The following TBC1D22A variants were observed in gnomAD, a reference collection of about 807,000 sequenced individuals.
TBC1D22A encodes putative GTPase activator.
TBC1D22A carries 38 observed loss-of-function variants against 60.2 expected under a neutral mutation model. The observed-to-expected ratio is 0.63, with a 90% CI of 0.49 to 0.83. TBC1D22A has a LOEUF of 0.83. Ranked by LOEUF, TBC1D22A falls within the 40% of genes least tolerant of loss-of-function variation. The pLI, the probability that TBC1D22A is intolerant of heterozygous loss-of-function variation, is 0.00. For missense variants in TBC1D22A, 628 were observed against 701.0 expected, an observed-to-expected ratio of 0.90 and a Z score of 1.18; for synonymous variants, 302 against 281.7, an observed-to-expected ratio of 1.07 and a Z score of -0.72.
At chr22:47,077,040 G>T (rs140582884) in intron 11 of TBC1D22A, among the ~76,000 whole-genome samples, 1 of 152,170 alleles carries the variant, frequency 6.6e-6, no homozygotes, top group Non-Finnish European at 1.5e-5. Context: ...TTCTGCCTGC[G>T]TATTATTGGC....
At chr22:46,989,336 A>C (rs1360383598) in intron 9 of TBC1D22A, among the ~76,000 whole-genome samples, 1 of 151,720 alleles carries the variant, frequency 6.6e-6, no homozygotes, top group Non-Finnish European at 1.5e-5. Context: ...TTGCATTCAC[A>C]ACCTGGCTGT....
intron 4 of TBC1D22A, among the ~76,000 whole-genome samples, chr22:46,868,458 T>C (rs551637001): frequency 9.2e-5 from 14 of 152,304 alleles, no homozygotes; most frequent in African/African-American, 3.1e-4. Flanking sequence ...TATATGCAAA[T>C]ATTCTAAAAT....
At chr22:46,950,111 T>C (rs1204740476) in intron 8 of TBC1D22A, among the ~76,000 whole-genome samples, 1 of 152,220 alleles carries the variant, frequency 6.6e-6, no homozygotes, top group Non-Finnish European at 1.5e-5. Context: ...GTCATTGTGC[T>C]AAGCCAAGTT....
intron 11 of TBC1D22A, among the ~76,000 whole-genome samples, chr22:47,087,841 T>C (rs952964110): frequency 6.6e-6 from 1 of 152,218 alleles, no homozygotes; most frequent in Admixed American, 6.5e-5. Context: ...TTTAGAAGGC[T>C]GAGGCGGGCG....
intron 6 of TBC1D22A, among the ~76,000 whole-genome samples, chr22:46,892,526 G>A (rs2068458285): frequency 6.6e-6 from 1 of 152,090 alleles, no homozygotes; most frequent in African/African-American, 2.4e-5. Flanking sequence ...AGGGCCCCTG[G>A]ACCGCACTGG....
rs145029708 is a variant in TBC1D22A at position 47,046,079 on chromosome 22, C to T, written c.1329+8881C>T. ...AGGTCCAGGGTCCCTCATATGGACTCGCTGATGCTCCCTGGGCCTCTGGGT... is the reference window on the plus strand; with the variant it reads ...AGGTCCAGGGTCCCTCATATGGACTTGCTGATGCTCCCTGGGCCTCTGGGT... On this transcript the variant is annotated intron_variant, in intron 11 of 12. Transcript: ENST00000337137. 5.1e-3 allele frequency among the ~76,000 whole-genome samples: 775 copies of T among 152,252 alleles called. 6 individuals are homozygous for T. The highest frequency in any genetic ancestry group is 0.018 in the African/African-American group (729 of 41,520).
At position 47,173,862 on chromosome 22, in the gene TBC1D22A, C is replaced by T. The variant is rs370015126; in HGVS notation, c.*236C>T. On this transcript the variant is annotated 3_prime_UTR_variant, in exon 13 of 13. Transcript: ENST00000337137. ...AGCCAGGGGAGGGCCCCGGGTTCGG[C>T]GGCCAGAGGCAGGTCAGGGGTCCCC... 60 of 546,928 alleles carry T rather than the reference C, an allele frequency of 1.1e-4. No homozygotes were observed. The highest frequency in any genetic ancestry group is 7.8e-4 in the East Asian group (19 of 24,470). The allele number at this position is 546,928 out of a possible 1,614,324, so 33.9% of individuals were successfully genotyped here.
intron 12 of TBC1D22A, among the ~76,000 whole-genome samples, chr22:47,160,167 G>A (rs547762292): frequency 6.6e-6 from 1 of 152,368 alleles, no homozygotes; most frequent in African/African-American, 2.4e-5. Flanking sequence ...AGCCTGGGTT[G>A]TGCTTCCCGT....
rs367849372 is a variant in TBC1D22A at position 46,894,730 on chromosome 22, G to A, written c.838-54G>A. ...TATTGCTGTTTTAATCATATCGCTCGTAATGATGTTTGTTGTGACGTAACA... is the reference window on the plus strand; with the variant it reads ...TATTGCTGTTTTAATCATATCGCTCATAATGATGTTTGTTGTGACGTAACA... On this transcript the variant is annotated intron_variant, in intron 6 of 12. Coordinates refer to ENST00000337137, the MANE Select transcript of TBC1D22A (RefSeq NM_014346.5). 1.7e-5 allele frequency: 28 copies of A among 1,601,046 alleles called. No homozygotes were observed. The African/African-American group carries it at 2.0e-4, about 11-fold the overall frequency.
At chr22:46,929,081 T>A (rs1196731341) in intron 8 of TBC1D22A, among the ~76,000 whole-genome samples, 1 of 152,182 alleles carries the variant, frequency 6.6e-6, no homozygotes, top group Non-Finnish European at 1.5e-5. Flanking sequence ...GCAAATAATT[T>A]AATTATGTGG....
Position 46,974,344 on chromosome 22 carries a change from G to A in TBC1D22A, c.1070G>A (p.Cys357Tyr), listed in dbSNP as rs1471596412. 1.9e-6 allele frequency: 3 copies of A among 1,610,908 alleles called. No homozygotes were observed. Among genetic ancestry groups the A allele is most frequent in the Non-Finnish European group, 1.7e-6 (2 of 1,178,872 alleles). The part of the protein sequence containing the change: ...DVSGVPAEVL[C>Y]NIEADTYWCM... ...TCCGGCGTGCCCGCAGAGGTGCTGT[G>A]CAACATCGAGGCCGACACCTACTGG... The change falls in exon 9 of 13, where the codon TGC becomes TAC. Residue 357 changes from cysteine (C) to tyrosine (Y), a missense_variant. Physicochemically the swap from Cys to Tyr is radical, Grantham distance 194 (BLOSUM62 -2). Coordinates refer to ENST00000337137, the MANE Select transcript of TBC1D22A (RefSeq NM_014346.5).
Position 46,825,127 on chromosome 22 carries a change from T to G in TBC1D22A, c.637+27507T>G, listed in dbSNP as rs574597009. Among the ~76,000 whole-genome samples the G allele has an allele frequency of 7.2e-5, 11 of 152,300 alleles. No homozygotes were observed. The South Asian group carries it at 2.1e-3, about 29-fold the overall frequency. On this transcript the variant is annotated intron_variant, in intron 4 of 12. Transcript: ENST00000337137. The stretch of plus-strand genomic sequence containing the variant: ...TCCCTTAACGCAAGGCATTTGCGTG[T>G]GCAGCAGGCGTCAGTGGAGTTTTGG...
At chr22:46,798,348 A>C (rs1226689683) in intron 4 of TBC1D22A, among the ~76,000 whole-genome samples, 1 of 151,998 alleles carries the variant, frequency 6.6e-6, no homozygotes, top group South Asian at 2.1e-4. Flanking sequence ...GTACTTTCCT[A>C]CCATGGGGCT....
At chr22:46,968,682 C>T (rs2073928308) in intron 8 of TBC1D22A, among the ~76,000 whole-genome samples, 1 of 152,206 alleles carries the variant, frequency 6.6e-6, no homozygotes, top group African/African-American at 2.4e-5. Context: ...CAGCCTTCAT[C>T]ACCAGGACCA....
At chr22:46,898,859 A>C (rs188048504) in intron 7 of TBC1D22A, among the ~76,000 whole-genome samples, 4 of 152,364 alleles carry the variant, frequency 2.6e-5, no homozygotes, top group East Asian at 1.9e-4. Flanking sequence ...CCCAGGTCCC[A>C]GCTTGACTTT....
intron 11 of TBC1D22A, among the ~76,000 whole-genome samples, chr22:47,101,447 C>G (rs1380745897): frequency 6.6e-6 from 1 of 152,238 alleles, no homozygotes; most frequent in African/African-American, 2.4e-5. Context: ...CTCCGTCTCT[C>G]TAGACCTTGG....
chr22:46,975,053 G>A (rs1311905734), intron 9 of TBC1D22A, among the ~76,000 whole-genome samples: 1 of 152,212 alleles, frequency 6.6e-6, no homozygotes, highest in African/African-American at 2.4e-5. Flanking sequence ...GGACCTTGTT[G>A]GTAGGTGAGT....
At chr22:47,135,725 G>A (rs1045916356) in intron 12 of TBC1D22A, among the ~76,000 whole-genome samples, 1 of 152,252 alleles carries the variant, frequency 6.6e-6, no homozygotes, top group African/African-American at 2.4e-5. Context: ...AGTACTTGTT[G>A]AAGGAATGAA....
chr22:47,016,613 C>G (rs1345327107), intron 10 of TBC1D22A, among the ~76,000 whole-genome samples: 1 of 152,168 alleles, frequency 6.6e-6, no homozygotes, highest in Non-Finnish European at 1.5e-5. Flanking sequence ...AGAACTCTGC[C>G]GTCCCGAAGC....
Sources: gnomAD v4.1 joint callset for allele counts (sites outside exome capture counted in the v4.1 genomes callset) on GRCh38, gnomAD v4.1.1 for gene constraint, MANE v1.5 for transcripts, NCBI Gene and HGNC (gene_info 2026-07-23, HGNC 2026-07-21) for gene names.